The following PLEKHA5 variants were observed in gnomAD, a reference collection of about 807,000 sequenced individuals.
PLEKHA5 encodes pleckstrin homology domain containing A5, also known as pleckstrin homology domain-containing family A member 5.
Under a neutral mutation model 181.9 loss-of-function variants are expected in PLEKHA5, and 55 were observed. The ratio of observed to expected loss-of-function variants is 0.30; its 90% CI spans 0.24 to 0.38. The LOEUF (loss-of-function observed/expected upper bound fraction) is 0.38. Among genes scored for constraint, PLEKHA5 ranks in the 10% least tolerant of loss-of-function variants. The probability of loss-of-function intolerance (pLI) is 1.00; values close to 1 mark genes in which losing one functional copy is unlikely to be tolerated. For missense variants in PLEKHA5, 1,432 were observed against 1,549.5 expected, an observed-to-expected ratio of 0.92 and a Z score of 1.27; for synonymous variants, 535 against 529.4, an observed-to-expected ratio of 1.01 and a Z score of -0.15.
At chr12:19,129,926 G>A in intron 1 of PLEKHA5, 38 bp downstream of exon 1, 1 of 1,559,576 alleles carries the variant, frequency 6.4e-7, no homozygotes, top group South Asian at 1.1e-5. Flanking sequence ...CCGCGGGGGC[G>A]GGAGGGCAGG....
chr12:19,365,970 A>G lies in PLEKHA5; in HGVS notation c.3615A>G (p.Gln1205=). The G allele has an allele frequency of 1.9e-6, 3 of 1,601,816 alleles. No individual in the cohort carries two copies. Among genetic ancestry groups the G allele is most frequent in the Non-Finnish European group, 2.5e-6 (3 of 1,176,578 alleles). The change falls in exon 30 of 32, where the codon CAA becomes CAG. Residue 1205 remains glutamine, a synonymous_variant. Coordinates refer to ENST00000429027, the MANE Select transcript of PLEKHA5 (RefSeq NM_001256470.2). The part of the protein sequence containing the change: ...KMPEDVTFSP[Q]DETQTANHKP... ...ACCAATCTATTTTCATCAGCCCTCA[A>G]GATGAAACACAGACCGCAAATCATA...
rs371070764 is a variant in PLEKHA5 at position 19,191,685 on chromosome 12, TG to T, written c.227+59236del. ...TCCTGTGAGTCAGGAATTCTCAAGC[TG>T]CTTGGTTGGGTAGTTCTGGCTCAGG... is the stretch of plus-strand genomic sequence containing the variant. On this transcript the variant is annotated intron_variant, in intron 3 of 31. Transcript: ENST00000429027. Among the ~76,000 whole-genome samples the T allele has an allele frequency of 5.0e-3, 768 of 152,306 alleles. 5 individuals carry two copies. Among genetic ancestry groups the T allele is most frequent in the African/African-American group, 0.018 (733 of 41,564 alleles).
At chr12:19,222,753 G>A (rs528544356) in intron 3 of PLEKHA5, among the ~76,000 whole-genome samples, 2 of 152,196 alleles carry the variant, frequency 1.3e-5, no homozygotes, top group African/African-American at 4.8e-5. Context: ...TGAGAGCTGG[G>A]CAGATGCTGT....
intron 3 of PLEKHA5, chr12:19,200,608 A>T: frequency 8.7e-7 from 1 of 1,150,010 alleles, no homozygotes; most frequent in Non-Finnish European, 1.1e-6. Flanking sequence ...ATCAGGCCTG[A>T]ACTTCATTAG....
chr12:19,284,027 G>A (rs377534701), intron 12 of PLEKHA5, among the ~76,000 whole-genome samples: 45 of 152,064 alleles, frequency 3.0e-4, no homozygotes, highest in African/African-American at 9.9e-4. Context: ...TCAGTTCTCC[G>A]TGTAGCTTAA....
At chr12:19,212,483 C>G in intron 3 of PLEKHA5, among the ~76,000 whole-genome samples, 1 of 152,128 alleles carries the variant, frequency 6.6e-6, no homozygotes, top group East Asian at 1.9e-4. Context: ...GAGTTCAAGA[C>G]CAGTCTGGCC....
chr12:19,297,628 CAAAAAAA>C (rs934426933), intron 15 of PLEKHA5, among the ~76,000 whole-genome samples: 5 of 63,764 alleles, frequency 7.8e-5, no homozygotes, highest in Admixed American at 1.7e-4. Context: ...GGCTCCGTCT[CAAAAAAA>C]AAAAAAAAAA....
chr12:19,278,947 A>G (rs1198227618), intron 11 of PLEKHA5, among the ~76,000 whole-genome samples: 2 of 152,192 alleles, frequency 1.3e-5, no homozygotes, highest in African/African-American at 4.8e-5. Flanking sequence ...TGATGAAGGA[A>G]ATTTAGTTTA....
rs1439576185 is a variant in PLEKHA5, at chr12:19,334,846, ATATATATATATATATATATATATC to A, written c.2449-1667_2449-1644del. ...AAAAAAAAAATATATATATATATAT[ATATATATATATATATATATATATC>A]TCTGTATACGCACACACACACAAAA... On this transcript the variant is annotated intron_variant, in intron 20 of 31. Coordinates refer to ENST00000429027, the MANE Select transcript of PLEKHA5 (RefSeq NM_001256470.2). Among the ~76,000 whole-genome samples the A allele has an allele frequency of 5.2e-4, 29 of 56,128 alleles. 3 individuals are homozygous for A. Among genetic ancestry groups the A allele is most frequent in the Non-Finnish European group, 3.8e-4 (8 of 21,296 alleles). The allele number at this position is 56,128 out of a possible 152,430, so 36.8% of individuals were successfully genotyped here. A position where few individuals can be genotyped will look rare whatever the true frequency, so the allele number is the denominator to read the frequency against.
chr12:19,276,413 G>C (rs779820509), intron 11 of PLEKHA5, among the ~76,000 whole-genome samples: 1 of 152,042 alleles, frequency 6.6e-6, no homozygotes, highest in African/African-American at 2.4e-5. Flanking sequence ...GTTTGGTGCC[G>C]GGCAAGGTGG....
At chr12:19,292,266 C>T (rs1020055082) in intron 15 of PLEKHA5, among the ~76,000 whole-genome samples, 7 of 152,034 alleles carry the variant, frequency 4.6e-5, no homozygotes, top group East Asian at 1.9e-4. Flanking sequence ...ATGAGCCGGG[C>T]GTCACAGTGA....
chr12:19,348,849 T>G, intron 25 of PLEKHA5, among the ~76,000 whole-genome samples: 1 of 152,034 alleles, frequency 6.6e-6, no homozygotes, highest in East Asian at 1.9e-4. Context: ...TGAATCCCAG[T>G]TACCCGGGAG....
chr12:19,347,541 G>A (rs1380868674), intron 24 of PLEKHA5, among the ~76,000 whole-genome samples: 4 of 152,104 alleles, frequency 2.6e-5, no homozygotes, highest in Admixed American at 1.3e-4. Context: ...GAAAAAGACC[G>A]TTACTAGGGA....
intron 3 of PLEKHA5, among the ~76,000 whole-genome samples, chr12:19,136,298 A>G (rs2035625864): frequency 6.6e-6 from 1 of 152,188 alleles, no homozygotes; most frequent in Non-Finnish European, 1.5e-5. Flanking sequence ...GTGTAAATAC[A>G]TTACACAGAG....
chr12:19,373,683 A>G (rs1317987415), intron 31 of PLEKHA5: 5 of 151,344 alleles, frequency 3.3e-5, no homozygotes, highest in Non-Finnish European at 5.9e-5. Context: ...AAAAAAAAAA[A>G]TGGTGACTGT....
Position 19,274,995 on chromosome 12 carries a change from T to A in PLEKHA5, c.1313+12T>A. On this transcript the variant is annotated intron_variant, in intron 11 of 31. Transcript: ENST00000429027. The stretch of plus-strand genomic sequence containing the variant: ...GAAGAAACCAGGGGGTAAGTGTCTG[T>A]CTTGTCATTATGAACCCAGGTTTCT... 6.4e-7 allele frequency: 1 copy of A among 1,567,638 alleles called. No individual in the cohort carries two copies. Among genetic ancestry groups the A allele is most frequent in the South Asian group, 1.1e-5 (1 of 89,574 alleles).
intron 25 of PLEKHA5, among the ~76,000 whole-genome samples, chr12:19,351,448 T>TG (rs1486486090): frequency 3.3e-5 from 5 of 152,122 alleles, no homozygotes; most frequent in African/African-American, 1.2e-4. Context: ...AGCATATAAA[T>TG]GAGGAGGAAG....
intron 20 of PLEKHA5, among the ~76,000 whole-genome samples, chr12:19,332,622 G>A (rs895111902): frequency 2.0e-5 from 3 of 152,170 alleles, no homozygotes; most frequent in Non-Finnish European, 4.4e-5. Context: ...CTCCTGAGTA[G>A]CTATAGCCTA....
At chr12:19,354,638 G>T (rs541552808) in intron 26 of PLEKHA5, among the ~76,000 whole-genome samples, 1 of 150,626 alleles carries the variant, frequency 6.6e-6, no homozygotes, top group East Asian at 2.0e-4. Flanking sequence ...CCACCACCAC[G>T]CCTGGCTAAA....
Sources: gnomAD v4.1 joint callset for allele counts (sites outside exome capture counted in the v4.1 genomes callset) on GRCh38, gnomAD v4.1.1 for gene constraint, MANE v1.5 for transcripts, NCBI Gene and HGNC (gene_info 2026-07-23, HGNC 2026-07-21) for gene names.